The following RIMKLB variants were observed in gnomAD, a reference collection of about 807,000 sequenced individuals.
RIMKLB encodes the protein beta-citrylglutamate synthase B.
In RIMKLB, 7 loss-of-function variants were observed where a neutral mutation model predicts 32.0. That is an observed-to-expected ratio of 0.22 (90% CI 0.12 to 0.41). The LOEUF is 0.41. Among genes scored for constraint, RIMKLB ranks in the 10% least tolerant of loss-of-function variants. The pLI is 1.00. For synonymous variants in RIMKLB, 172 were observed against 185.1 expected (o/e 0.93, Z 0.57); for missense variants, 289 against 498.7 (o/e 0.58, Z 4.00).
intron 5 of RIMKLB, among the ~76,000 whole-genome samples, chr12:8,768,102 G>C (rs901247221): frequency 2.0e-5 from 3 of 152,168 alleles, no homozygotes; most frequent in African/African-American, 7.2e-5. Flanking sequence ...GCCATGTGGT[G>C]AGTGTTATAG....
At chr12:8,695,838 C>T (rs372647823), upstream of RIMKLB, among the ~76,000 whole-genome samples, 44 of 152,098 alleles carry the variant, frequency 2.9e-4, 1 homozygote, top group East Asian at 6.6e-3. Flanking sequence ...GGATTACAGG[C>T]GTGCGCTATC....
intron 5 of RIMKLB, among the ~76,000 whole-genome samples, chr12:8,760,248 C>A (rs2137974194): frequency 6.6e-6 from 1 of 152,332 alleles, no homozygotes; most frequent in Non-Finnish European, 1.5e-5. Context: ...CCAGTTTCAT[C>A]CATGTCCCTA....
At chr12:8,678,346 T>G (rs1365105970), upstream of RIMKLB, among the ~76,000 whole-genome samples, 4 of 151,592 alleles carry the variant, frequency 2.6e-5, no homozygotes, top group African/African-American at 9.7e-5. Flanking sequence ...CTTTTTTTTT[T>G]TGAGATGGAG....
chr12:8,777,141 G>C lies in RIMKLB; in HGVS notation c.*3357G>C. On this transcript the variant is annotated 3_prime_UTR_variant, in exon 6 of 6. Coordinates refer to ENST00000535829, the MANE Select transcript of RIMKLB (RefSeq NM_001297776.2). ...TCAATTTTATTTAAGATTTGTTTTT[G>C]TTGTACTAGGATTTTAAAAAATGTA... is the stretch of plus-strand genomic sequence containing the variant. 1.0e-6 allele frequency: 1 copy of C among 972,834 alleles called. No individual in the cohort carries two copies. The highest frequency in any genetic ancestry group is 1.2e-6 in the Non-Finnish European group (1 of 826,068). 60.3% of individuals were successfully genotyped at this position (972,834 alleles called of 1,614,324 possible). A position where few individuals can be genotyped will look rare whatever the true frequency, so the allele number is the denominator to read the frequency against.
upstream of RIMKLB, among the ~76,000 whole-genome samples, chr12:8,696,464 A>T (rs931125515): frequency 6.6e-6 from 1 of 152,238 alleles, no homozygotes; most frequent in African/African-American, 2.4e-5. Context: ...TAACATTATA[A>T]TAGCACTAAA....
At chr12:8,704,508 T>C (rs1268696925) in intron 1 of RIMKLB, among the ~76,000 whole-genome samples, 1 of 152,234 alleles carries the variant, frequency 6.6e-6, no homozygotes, top group African/African-American at 2.4e-5. Flanking sequence ...ATTGTCTTTG[T>C]AACAAATAGA....
Position 8,703,915 on chromosome 12 carries a change from C to A in RIMKLB, c.-57+5618C>A, listed in dbSNP as rs374301225. Among the ~76,000 whole-genome samples, 153 of 152,200 alleles carry A rather than the reference C, an allele frequency of 1.0e-3. 4 individuals are homozygous for A. In the South Asian group the frequency reaches 0.03, roughly 30 times the overall value. On this transcript the variant is annotated intron_variant, in intron 1 of 5. Transcript: ENST00000535829. ...AATTTATTTTCTTTATCCAAATTAGCTTTGATGGTTCTGATTTCTTTGTAG... is the reference window on the plus strand; with the variant it reads ...AATTTATTTTCTTTATCCAAATTAGATTTGATGGTTCTGATTTCTTTGTAG...
rs552283065 is a variant in RIMKLB at position 8,748,705 on chromosome 12, G to A, written c.176-1157G>A. ...ATGCCTGTAAGCATTTTGGGAGGCC[G>A]AGGCAGGCAGATCACAATGTCAGAA... is the stretch of plus-strand genomic sequence containing the variant. On this transcript the variant is annotated intron_variant, in intron 2 of 5. Transcript: ENST00000535829. Among the ~76,000 whole-genome samples the A allele has an allele frequency of 9.8e-4, 149 of 151,826 alleles. 4 individuals are homozygous for A. The South Asian group carries it at 0.028, about 28-fold the overall frequency.
In RIMKLB at chr12:8,777,069, C is replaced by T. The variant is rs970335544; in HGVS notation, c.*3285C>T. The T allele has an allele frequency of 1.0e-6, 1 of 985,670 alleles. No homozygotes were observed. Among genetic ancestry groups the T allele is most frequent in the African/African-American group, 1.7e-5 (1 of 57,180 alleles). 61.1% of individuals were successfully genotyped at this position (985,670 alleles called of 1,614,324 possible). A position where few individuals can be genotyped will look rare whatever the true frequency, so the allele number is the denominator to read the frequency against. On this transcript the variant is annotated 3_prime_UTR_variant, in exon 6 of 6. Coordinates refer to ENST00000535829, the MANE Select transcript of RIMKLB (RefSeq NM_001297776.2). ...ATCCCCTCCTAAGAAAATGTAGGTG[C>T]TCAGACAGGTAACCACTGCTGCTAC...
intron 2 of RIMKLB, among the ~76,000 whole-genome samples, chr12:8,732,255 A>T (rs755348557): frequency 6.6e-6 from 1 of 152,186 alleles, no homozygotes; most frequent in East Asian, 1.9e-4. Flanking sequence ...TTAGCAGGTG[A>T]TTCCTACTTG....
At chr12:8,732,005 C>G (rs760362798) in intron 2 of RIMKLB, among the ~76,000 whole-genome samples, 25 of 152,104 alleles carry the variant, frequency 1.6e-4, no homozygotes, top group African/African-American at 6.0e-4. Flanking sequence ...AAGTACTCTC[C>G]TTCCTCTTCC....
At chr12:8,770,501 A>G (rs979544515) in intron 5 of RIMKLB, among the ~76,000 whole-genome samples, 1 of 152,082 alleles carries the variant, frequency 6.6e-6, no homozygotes, top group African/African-American at 2.4e-5. Flanking sequence ...AGTACTCACC[A>G]TGGTTTACTC....
chr12:8,677,430 C>T (rs898655964), upstream of RIMKLB, among the ~76,000 whole-genome samples: 5 of 152,226 alleles, frequency 3.3e-5, no homozygotes, highest in African/African-American at 1.2e-4. Flanking sequence ...ATTGAGCCTA[C>T]CTCCTTAATA....
At chr12:8,722,838 TC>T (rs1317966539) in intron 2 of RIMKLB, among the ~76,000 whole-genome samples, 1 of 152,204 alleles carries the variant, frequency 6.6e-6, no homozygotes, top group Non-Finnish European at 1.5e-5. Context: ...TGTTCCTAAA[TC>T]CCATGAACCA....
At chr12:8,670,003 G>C in the RIMKLB span, among the ~76,000 whole-genome samples, 1 of 145,182 alleles carries the variant, frequency 6.9e-6, no homozygotes, top group East Asian at 2.0e-4. Context: ...CTCCAGCCTG[G>C]GCGACAGAGC....
At chr12:8,669,251 C>A in the RIMKLB span, among the ~76,000 whole-genome samples, 1 of 151,906 alleles carries the variant, frequency 6.6e-6, no homozygotes, top group Non-Finnish European at 1.5e-5. Flanking sequence ...TTTTAACAAC[C>A]AGCTCTCACA....
intron 2 of RIMKLB, chr12:8,742,521 C>T: frequency 2.5e-6 from 1 of 396,962 alleles, no homozygotes; most frequent in African/African-American, 2.1e-5. Flanking sequence ...GGGCACCACC[C>T]TTCACTTTCA....
downstream of RIMKLB, chr12:8,777,483 C>T (rs1381296058): frequency 3.6e-6 from 4 of 1,113,974 alleles, no homozygotes; most frequent in Non-Finnish European, 3.3e-6. Flanking sequence ...AAAATTCTTT[C>T]TATATTAATG....
intron 2 of RIMKLB, among the ~76,000 whole-genome samples, chr12:8,735,318 C>T (rs190697112): frequency 7.8e-4 from 119 of 152,300 alleles, no homozygotes; most frequent in African/African-American, 2.6e-3. Flanking sequence ...CATCCTCTAC[C>T]TCCTGGGTTC....
Sources: allele counts gnomAD v4.1 joint callset (sites outside exome capture counted in the v4.1 genomes callset), GRCh38; gene constraint gnomAD v4.1.1; transcripts MANE v1.5; gene names NCBI Gene and HGNC (gene_info 2026-07-23, HGNC 2026-07-21).